The following PCNX2 variants were observed in gnomAD, a reference collection of about 807,000 sequenced individuals.
PCNX2 encodes the protein pecanex-like protein 2.
In PCNX2, 168 loss-of-function variants were observed where a neutral mutation model predicts 223.8. That is an observed-to-expected ratio of 0.75 (90% CI 0.66 to 0.85). The LOEUF (loss-of-function observed/expected upper bound fraction) is 0.85. PCNX2 is among the 40% of genes least tolerant of loss of function. The pLI, the probability that PCNX2 is intolerant of heterozygous loss-of-function variation, is 0.00. For missense variants in PCNX2, 2,507 were observed against 2,675.5 expected (o/e 0.94, Z 1.39); for synonymous variants, 1,006 against 1,052.6 (o/e 0.96, Z 0.86).
chr1:233,283,393 C>T (rs1304579825), intron 1 of PCNX2, among the ~76,000 whole-genome samples: 1 of 152,144 alleles, frequency 6.6e-6, no homozygotes, highest in African/African-American at 2.4e-5. Flanking sequence ...AAATGTAATT[C>T]CCCACCAAAA....
chr1:233,227,439 T>C, intron 9 of PCNX2, 68 bp from the exon 10 acceptor site: 2 of 1,366,828 alleles, frequency 1.5e-6, no homozygotes, highest in Non-Finnish European at 2.0e-6. Flanking sequence ...CACAAATATA[T>C]ATATATATGT....
At chr1:233,080,081 C>T (rs758259121) in intron 23 of PCNX2, among the ~76,000 whole-genome samples, 7 of 152,286 alleles carry the variant, frequency 4.6e-5, no homozygotes, top group Non-Finnish European at 1.0e-4. Context: ...GCAGGCACTA[C>T]CCTGCTGTCT....
chr1:233,250,705 C>A, intron 8 of PCNX2, 34 bp downstream of exon 8: 4 of 1,561,438 alleles, frequency 2.6e-6, no homozygotes, highest in Non-Finnish European at 3.5e-6. Context: ...AGCAATGCAA[C>A]AGCTCTCAAG....
At chr1:233,261,907 G>A in intron 3 of PCNX2, 138 bp downstream of exon 3, 3 of 1,335,464 alleles carry the variant, frequency 2.2e-6, no homozygotes, top group Admixed American at 1.9e-5. Context: ...CCAGACCCTG[G>A]GATGTGATAT....
At chr1:233,120,185 G>GAAAAAAAAAAA (rs1675697596) in intron 21 of PCNX2, among the ~76,000 whole-genome samples, 1 of 111,632 alleles carries the variant, frequency 9.0e-6, no homozygotes, top group Non-Finnish European at 1.9e-5. Context: ...AAAAAAAAAA[G>GAAAAAAAAAAA]AAATAAAAAG....
rs571017358 is a variant in PCNX2 at position 233,192,841 on chromosome 1, T to C, written c.3066+6098A>G. Among the ~76,000 whole-genome samples, 5 of 151,364 alleles carry C rather than the reference T, an allele frequency of 3.3e-5. No homozygotes were observed. The South Asian group carries it at 6.2e-4, about 19-fold the overall frequency. ...AGTAAATTATATAAAATATATATAA[T>C]AGTGCAAAAGAATTCTAGAGATCTG... On this transcript the variant is annotated intron_variant, in intron 15 of 33. Coordinates refer to ENST00000258229, the MANE Select transcript of PCNX2 (RefSeq NM_014801.4).
intron 17 of PCNX2, among the ~76,000 whole-genome samples, chr1:233,176,825 A>G (rs2102854595): frequency 6.6e-6 from 1 of 152,302 alleles, no homozygotes. Flanking sequence ...CATCCTGGTT[A>G]ACACGGTGAA....
the PCNX2 span, among the ~76,000 whole-genome samples, chr1:233,311,115 A>G: frequency 2.0e-5 from 3 of 152,254 alleles, no homozygotes; most frequent in Non-Finnish European, 4.4e-5. Flanking sequence ...GTTCCTGCCC[A>G]AGTGTTCTAA....
chr1:233,088,712 C>G (rs2102936027), intron 23 of PCNX2, among the ~76,000 whole-genome samples: 1 of 152,246 alleles, frequency 6.6e-6, no homozygotes, highest in Non-Finnish European at 1.5e-5. Context: ...TAGTTTTCAC[C>G]AGGGCACCCC....
At chr1:233,325,745 A>T in the PCNX2 span, among the ~76,000 whole-genome samples, 1 of 152,144 alleles carries the variant, frequency 6.6e-6, no homozygotes, top group African/African-American at 2.4e-5. Context: ...GATGGAATCT[A>T]CTCCCAGAGG....
At chr1:233,045,294 T>C (rs962251699) in intron 25 of PCNX2, among the ~76,000 whole-genome samples, 1 of 152,242 alleles carries the variant, frequency 6.6e-6, no homozygotes, top group African/African-American at 2.4e-5. Flanking sequence ...CATAACAATC[T>C]TCCATGCAAT....
intron 3 of PCNX2, 84 bp from the exon 4 acceptor site, chr1:233,261,405 C>T (rs1220114904): frequency 6.3e-6 from 8 of 1,268,002 alleles, no homozygotes; most frequent in Non-Finnish European, 6.9e-6. Context: ...TGACAGCAGT[C>T]ACTGATTTTC....
chr1:233,292,374 A>AT (rs1479054974), intron 1 of PCNX2, among the ~76,000 whole-genome samples: 1 of 151,578 alleles, frequency 6.6e-6, no homozygotes, highest in African/African-American at 2.4e-5. Flanking sequence ...CGCCCAGCTA[A>AT]TTTTTTGTCT....
chr1:233,198,212 A>G (rs1166070242), intron 15 of PCNX2, among the ~76,000 whole-genome samples: 1 of 152,106 alleles, frequency 6.6e-6, no homozygotes, highest in Non-Finnish European at 1.5e-5. Context: ...CTTGATTTTT[A>G]TTTTCAATTT....
At chr1:233,165,620 A>G (rs572359737) in intron 17 of PCNX2, among the ~76,000 whole-genome samples, 236 of 152,328 alleles carry the variant, frequency 1.5e-3, no homozygotes, top group African/African-American at 5.5e-3. Context: ...TTATAATAGC[A>G]CTAAAAGTAT....
At chr1:233,209,971 A>G (rs1681729790) in intron 12 of PCNX2, among the ~76,000 whole-genome samples, 1 of 152,248 alleles carries the variant, frequency 6.6e-6, no homozygotes, top group Non-Finnish European at 1.5e-5. Context: ...GGTTTAGGAA[A>G]TATCATTAAA....
chr1:233,174,518 C>T lies in PCNX2; in HGVS notation c.3273+3284G>A, dbSNP rs540320557. Among the ~76,000 whole-genome samples, 519 of 151,886 alleles carry T rather than the reference C, an allele frequency of 3.4e-3. 7 individuals are homozygous for T. Among genetic ancestry groups the T allele is most frequent in the African/African-American group, 0.012 (505 of 41,464 alleles). On this transcript the variant is annotated intron_variant, in intron 17 of 33. Coordinates refer to ENST00000258229, the MANE Select transcript of PCNX2 (RefSeq NM_014801.4). ...ATATAGTACTTCACACTCCAACTCT[C>T]AAAGGAAGCTTAAGAACCCCTGTTC...
chr1:233,219,745 C>T (rs969839653), intron 10 of PCNX2, among the ~76,000 whole-genome samples: 1 of 152,146 alleles, frequency 6.6e-6, no homozygotes, highest in Non-Finnish European at 1.5e-5. Flanking sequence ...CAGCCTCCCC[C>T]ACCATCAACA....
intron 25 of PCNX2, among the ~76,000 whole-genome samples, chr1:233,044,675 T>C (rs540818545): frequency 2.7e-5 from 4 of 149,234 alleles, no homozygotes; most frequent in Non-Finnish European, 4.5e-5. Flanking sequence ...TATTCTTTCT[T>C]TTTTTTTTTT....
Sources: allele counts gnomAD v4.1 joint callset (sites outside exome capture counted in the v4.1 genomes callset), GRCh38; gene constraint gnomAD v4.1.1; transcripts MANE v1.5; gene names NCBI Gene and HGNC (gene_info 2026-07-23, HGNC 2026-07-21).